PAX4: variants seen among roughly 807,000 people sequenced by gnomAD.
PAX4 encodes the protein paired box 4.
Under a neutral mutation model 40.6 loss-of-function variants are expected in PAX4, and 33 were observed. The ratio of observed to expected loss-of-function variants is 0.81; its 90% CI spans 0.62 to 1.09. The LOEUF (loss-of-function observed/expected upper bound fraction) is 1.09, where lower values mean the gene tolerates loss of function less well. Ranked by LOEUF, PAX4 falls within the 50% of genes least tolerant of loss-of-function variation. PAX4 has a pLI of 0.00. For missense variants in PAX4, 459 were observed against 442.5 expected, an observed-to-expected ratio of 1.04 and a Z score of -0.33; for synonymous variants, 174 against 170.6, an observed-to-expected ratio of 1.02 and a Z score of -0.16.
Position 127,615,390 on chromosome 7 carries a change from T to C in PAX4, c.144+11A>G. Reference sequence around the variant, plus strand: ...TGTCCCCATCACTGGGTAAAGGTGCTGGCCCATTACCTTAAGGATCCGTGA... The same window carrying C: ...TGTCCCCATCACTGGGTAAAGGTGCCGGCCCATTACCTTAAGGATCCGTGA... On this transcript the variant is annotated intron_variant, in intron 4 of 11. Transcript: ENST00000639438. The C allele has an allele frequency of 6.2e-7, 1 of 1,614,184 alleles. No homozygotes were observed. Among genetic ancestry groups the C allele is most frequent in the Non-Finnish European group, 8.5e-7 (1 of 1,180,026 alleles).
At chr7:127,617,095 G>C (rs1794733823) in intron 2 of PAX4, among the ~76,000 whole-genome samples, 180 bp downstream of exon 2, 1 of 152,216 alleles carries the variant, frequency 6.6e-6, no homozygotes, top group Non-Finnish European at 1.5e-5. Flanking sequence ...TTAAGCATGA[G>C]CACATTGCTG....
chr7:127,612,373 G>C (rs1480120930), intron 9 of PAX4, among the ~76,000 whole-genome samples: 2 of 151,800 alleles, frequency 1.3e-5, no homozygotes, highest in Admixed American at 6.6e-5. Context: ...ATGCATGGGT[G>C]CATGGGTGGC....
intron 11 of PAX4, 35 bp from the exon 12 acceptor site, chr7:127,611,241 G>A: frequency 6.5e-7 from 1 of 1,540,058 alleles, no homozygotes. Flanking sequence ...TGGGGTTATT[G>A]CTCCCACCCC....
chr7:127,611,562 G>A lies in PAX4; in HGVS notation c.886C>T (p.Pro296Ser), dbSNP rs1229742195. 1.2e-6 allele frequency: 2 copies of A among 1,613,682 alleles called. No individual in the cohort carries two copies. The highest frequency in any genetic ancestry group is 1.1e-5 in the South Asian group (1 of 91,066). ...CAGCAGGGCTTGAGACAGGCTTTAG[G>A]TGGGGTGTCACTCAGACACCTTTCT... ...APERCLSDTPPKACLKPCWGH... is the reference protein window; with the variant it reads ...APERCLSDTPSKACLKPCWGH... The change falls in exon 11 of 12, where the codon CCT becomes TCT. Residue 296 changes from proline (P) to serine (S), a missense_variant. Pro to Ser is a moderately conservative substitution (Grantham distance 74, BLOSUM62 -1). Coordinates refer to ENST00000639438, the MANE Select transcript of PAX4 (RefSeq NM_001366110.1).
chr7:127,611,581 C>A lies in PAX4; in HGVS notation c.867G>T (p.Arg289Ser), dbSNP rs756956116. The change falls in exon 11 of 12, where the codon AGG becomes AGT. Residue 289 changes from arginine to serine, a missense_variant. Physicochemically the swap from Arg to Ser is moderately radical, Grantham distance 110. Transcript: ENST00000639438. ...YQLCWATAPERCLSDTPPKAC... is the reference protein window; with the variant it reads ...YQLCWATAPESCLSDTPPKAC... ...CTTTAGGTGGGGTGTCACTCAGACACCTTTCTGGTGCTGTTGCCCAGCACA... is the reference window on the plus strand; with the variant it reads ...CTTTAGGTGGGGTGTCACTCAGACAACTTTCTGGTGCTGTTGCCCAGCACA... 2 of 1,613,900 alleles carry A rather than the reference C, an allele frequency of 1.2e-6. No individual in the cohort carries two copies. Among genetic ancestry groups the A allele is most frequent in the Non-Finnish European group, 1.7e-6 (2 of 1,179,914 alleles).
intron 7 of PAX4, 92 bp from the exon 8 acceptor site, chr7:127,613,624 C>T: frequency 6.3e-7 from 1 of 1,584,390 alleles, no homozygotes. Context: ...TGCTACAACC[C>T]CAAACTACCT....
intron 9 of PAX4, 57 bp from the exon 10 acceptor site, chr7:127,612,057 A>C: frequency 6.5e-7 from 1 of 1,546,878 alleles, no homozygotes; most frequent in Non-Finnish European, 8.9e-7. Context: ...GGACGGGAGG[A>C]GTGTGGTGAG....
Position 127,615,472 on chromosome 7 carries a change from C to A in PAX4, c.73G>T (p.Asp25Tyr), listed in dbSNP as rs763228284. ...AGCCGCACAATCTGCTGCCGGGTATCCAGAGGCAGGGGCCGGCCATTCACA... is the reference window on the plus strand; with the variant it reads ...AGCCGCACAATCTGCTGCCGGGTATACAGAGGCAGGGGCCGGCCATTCACA... ...LFVNGRPLPLDTRQQIVRLAV... is the reference protein window; with the variant it reads ...LFVNGRPLPLYTRQQIVRLAV... The change falls in exon 4 of 12, where the codon GAT (aspartate) becomes TAT (tyrosine). Residue 25 changes from aspartate to tyrosine, a missense_variant. By Grantham distance (160) the Asp-to-Tyr change is radical. Coordinates refer to ENST00000639438, the MANE Select transcript of PAX4 (RefSeq NM_001366110.1). 3 of 1,614,088 alleles carry A rather than the reference C, an allele frequency of 1.9e-6. No homozygotes were observed. Among genetic ancestry groups the A allele is most frequent in the African/African-American group, 1.3e-5 (1 of 74,936 alleles).
intron 3 of PAX4, 181 bp from the exon 4 acceptor site, chr7:127,615,712 AC>A: frequency 1.3e-6 from 2 of 1,509,370 alleles, no homozygotes; most frequent in Non-Finnish European, 1.8e-6. Context: ...GAGCTGGCTC[AC>A]GGGTGAGTCT....
Position 127,611,226 on chromosome 7 carries a change from G to A in PAX4, c.914-20C>T. On this transcript the variant is annotated intron_variant, in intron 11 of 11. Transcript: ENST00000639438. ...AGTGGCCTGTGGGGACAAATAGAGAGAGCTTGGGGTTATTGCTCCCACCCC... is the reference window on the plus strand; with the variant it reads ...AGTGGCCTGTGGGGACAAATAGAGAAAGCTTGGGGTTATTGCTCCCACCCC... 6.3e-7 allele frequency: 1 copy of A among 1,578,792 alleles called. No homozygotes were observed. The highest frequency in any genetic ancestry group is 8.6e-7 in the Non-Finnish European group (1 of 1,160,400).
intron 3 of PAX4, 143 bp downstream of exon 3, chr7:127,615,773 C>T (rs1183815755): frequency 6.6e-7 from 1 of 1,509,424 alleles, no homozygotes; most frequent in African/African-American, 1.4e-5. Flanking sequence ...GGAAGCAGGA[C>T]AGGGCAGGAA....
chr7:127,615,734 C>T, intron 3 of PAX4, 182 bp downstream of exon 3: 1 of 1,498,300 alleles, frequency 6.7e-7, no homozygotes, highest in Non-Finnish European at 8.9e-7. Flanking sequence ...TTGTTCCTTG[C>T]CCATACCCGC....
At position 127,614,920 on chromosome 7, in the gene PAX4, A is replaced by G; in HGVS notation, c.320T>C (p.Leu107Pro). The change falls in exon 5 of 12, where the codon CTT (leucine) becomes CCT (proline). Residue 107 changes from leucine to proline, a missense_variant. Coordinates refer to ENST00000639438, the MANE Select transcript of PAX4 (RefSeq NM_001366110.1). Reference protein sequence around the residue: ...ALFAWEIQRQLCAEGLCTQDK... With the variant: ...ALFAWEIQRQPCAEGLCTQDK... ...CTGGGTGCAAAGCCCTTCAGCACAAAGCTGGCGTTGGATTTCCCAGGCAAA... is the reference window on the plus strand; with the variant it reads ...CTGGGTGCAAAGCCCTTCAGCACAAGGCTGGCGTTGGATTTCCCAGGCAAA... The G allele has an allele frequency of 1.2e-6, 2 of 1,614,118 alleles. No homozygotes were observed. The highest frequency in any genetic ancestry group is 1.7e-6 in the Non-Finnish European group (2 of 1,180,020).
chr7:127,611,908 C>T (rs773965386), intron 10 of PAX4, 37 bp downstream of exon 10: 8 of 1,613,306 alleles, frequency 5.0e-6, no homozygotes, highest in Admixed American at 3.3e-5. Context: ...GCCCTTCAGT[C>T]TTCCCAGGGC....
rs1186291147 is a variant in PAX4, at chr7:127,612,011, A to G, written c.716-11T>C. The G allele has an allele frequency of 6.2e-7, 1 of 1,613,688 alleles. No homozygotes were observed. The highest frequency in any genetic ancestry group is 8.5e-7 in the Non-Finnish European group (1 of 1,179,786). On this transcript the variant is annotated splice_polypyrimidine_tract_variant and intron_variant, in intron 9 of 11. Transcript: ENST00000639438. The stretch of plus-strand genomic sequence containing the variant: ...GCCCCTGGGAAGCACCTATAAAATG[A>G]GAGTGAATCCACTCAGAAGGAGGAA...
At position 127,614,353 on chromosome 7, in the gene PAX4, C is replaced by T. The variant is rs984316037; in HGVS notation, c.436+129G>A. 1.3e-5 allele frequency: 10 copies of T among 785,988 alleles called. No individual in the cohort carries two copies. The African/African-American group carries it at 1.5e-4, about 12-fold the overall frequency. 48.7% of individuals were successfully genotyped at this position (785,988 alleles called of 1,614,324 possible). ...TTTCTTCTGCTGGGAGAGAATGAGACTCCCTGCCCAGTCCTCCTTATTGGG... is the reference window on the plus strand; with the variant it reads ...TTTCTTCTGCTGGGAGAGAATGAGATTCCCTGCCCAGTCCTCCTTATTGGG... On this transcript the variant is annotated intron_variant, in intron 6 of 11. Transcript: ENST00000639438.
At chr7:127,615,603 A>G in intron 3 of PAX4, 72 bp from the exon 4 acceptor site, 1 of 1,608,764 alleles carries the variant, frequency 6.2e-7, no homozygotes, top group Non-Finnish European at 8.5e-7. Context: ...AGGGTCACTC[A>G]GGCCCCTCCA....
In PAX4 at chr7:127,610,663, T is replaced by C. The variant is rs946098497; in HGVS notation, c.*401A>G. 2.0e-5 allele frequency: 12 copies of C among 596,720 alleles called. No homozygotes were observed. In the African/African-American group the frequency reaches 2.2e-4, roughly 11 times the overall value. The allele number at this position is 596,720 out of a possible 1,614,324, so 37.0% of individuals were successfully genotyped here. On this transcript the variant is annotated 3_prime_UTR_variant, in exon 12 of 12. Coordinates refer to ENST00000639438, the MANE Select transcript of PAX4 (RefSeq NM_001366110.1). Reference sequence around the variant, plus strand: ...TTGACAAATACATTGTTTAGATACATGTATTGCCTACATACATGCATAGAT... The same window carrying C: ...TTGACAAATACATTGTTTAGATACACGTATTGCCTACATACATGCATAGAT...
rs1046800450 is a variant in PAX4 at position 127,611,079 on chromosome 7, C to G, written c.1041G>C (p.Leu347=). Residue 347 remains leucine (L), a synonymous_variant, in exon 12 of 12, where the codon CTG becomes CTC. Coordinates refer to ENST00000639438, the MANE Select transcript of PAX4 (RefSeq NM_001366110.1). The part of the protein sequence containing the change: ...QALLWPGCPL[L]YGLE ...CACTCCTGCCTCATTCCAAGCCATACAGTAGTGGGCAGCCAGGCCAGAGCA... is the reference window on the plus strand; with the variant it reads ...CACTCCTGCCTCATTCCAAGCCATAGAGTAGTGGGCAGCCAGGCCAGAGCA... 5 of 1,606,472 alleles carry G rather than the reference C, an allele frequency of 3.1e-6. No homozygotes were observed. The African/African-American group carries it at 6.7e-5, about 21-fold the overall frequency.
Sources: allele counts gnomAD v4.1 joint callset (sites outside exome capture counted in the v4.1 genomes callset), GRCh38; gene constraint gnomAD v4.1.1; transcripts MANE v1.5; gene names NCBI Gene and HGNC (gene_info 2026-07-23, HGNC 2026-07-21).